Variants in SAMD12 observed in about 807,000 individuals in gnomAD.
SAMD12 encodes the protein sterile alpha motif domain containing 12.
SAMD12 carries 9 observed loss-of-function variants against 15.0 expected under a neutral mutation model. The observed-to-expected ratio is 0.60, with a 90% CI of 0.36 to 1.05. SAMD12 has a LOEUF of 1.05. Among genes scored for constraint, SAMD12 ranks in the 50% least tolerant of loss-of-function variants. SAMD12 has a pLI of 0.01. For synonymous variants in SAMD12, 86 were observed against 90.1 expected (o/e 0.96, Z 0.25); for missense variants, 230 against 234.2 (o/e 0.98, Z 0.12).
intron 4 of SAMD12, among the ~76,000 whole-genome samples, chr8:118,282,765 T>C (rs1047348955): frequency 2.6e-5 from 4 of 152,210 alleles, no homozygotes; most frequent in African/African-American, 7.2e-5. Flanking sequence ...TTTTATCACA[T>C]AGACTGTTTT....
chr8:118,557,082 C>T (rs1019899409), intron 2 of SAMD12, among the ~76,000 whole-genome samples: 9 of 152,310 alleles, frequency 5.9e-5, no homozygotes, highest in Middle Eastern at 6.8e-3. Flanking sequence ...CTTGGCTCTA[C>T]ATCCCCACCC....
intron 2 of SAMD12, among the ~76,000 whole-genome samples, chr8:118,446,924 G>T (rs988390135): frequency 6.6e-6 from 1 of 152,174 alleles, no homozygotes; most frequent in East Asian, 1.9e-4. Context: ...TGCAACTGAT[G>T]ACTTCAGTTT....
intron 4 of SAMD12, among the ~76,000 whole-genome samples, chr8:118,234,476 A>C (rs537344002): frequency 6.6e-6 from 1 of 152,012 alleles, no homozygotes. Flanking sequence ...TTGGGAGGCT[A>C]AGGTGGATGG....
At chr8:118,532,799 T>TG (rs1201911653) in intron 2 of SAMD12, among the ~76,000 whole-genome samples, 1 of 152,194 alleles carries the variant, frequency 6.6e-6, no homozygotes, top group Non-Finnish European at 1.5e-5. Flanking sequence ...CTTTATCATT[T>TG]TTTATTGCAT....
chr8:118,292,349 G>GACACACATACACACACAC lies in SAMD12; in HGVS notation c.433+87210_433+87211insGTGTGTGTGTATGTGTGT, dbSNP rs111807707. On this transcript the variant is annotated intron_variant, in intron 4 of 4. Transcript: ENST00000409003. ...TAATGTCCAAAACTGCAAACACACA[G>GACACACATACACACACAC]ACACACACACACACACACACACACA... 3.6e-3 allele frequency among the ~76,000 whole-genome samples: 501 copies of GACACACATACACACACAC among 137,716 alleles called. 6 individuals are homozygous for GACACACATACACACACAC. The highest frequency in any genetic ancestry group is 0.011 in the Middle Eastern group (3 of 266). The allele number at this position is 137,716 out of a possible 152,430, so 90.3% of individuals were successfully genotyped here.
the SAMD12 span, among the ~76,000 whole-genome samples, chr8:118,159,661 A>G: frequency 6.6e-6 from 1 of 152,062 alleles, no homozygotes; most frequent in African/African-American, 2.4e-5. Context: ...GTGGAGAAAA[A>G]TTAATCCTAG....
At chr8:118,436,408 G>C (rs146788645) in intron 3 of SAMD12, among the ~76,000 whole-genome samples, 251 of 152,204 alleles carry the variant, frequency 1.6e-3, no homozygotes, top group African/African-American at 5.8e-3. Context: ...GCAGCAGGGA[G>C]GATTTGACTC....
At chr8:118,356,437 C>T (rs536005906) in intron 4 of SAMD12, among the ~76,000 whole-genome samples, 83 of 152,228 alleles carry the variant, frequency 5.5e-4, no homozygotes, top group African/African-American at 1.5e-3. Context: ...GATATTCATG[C>T]GAACAAACCT....
At chr8:118,367,536 T>A (rs1156355133) in intron 4 of SAMD12, among the ~76,000 whole-genome samples, 1 of 152,186 alleles carries the variant, frequency 6.6e-6, no homozygotes, top group Non-Finnish European at 1.5e-5. Flanking sequence ...GACATAACAA[T>A]GCAACCTTAT....
intron 1 of SAMD12, among the ~76,000 whole-genome samples, chr8:118,588,088 A>G (rs1827496140): frequency 6.6e-6 from 1 of 152,168 alleles, no homozygotes; most frequent in African/African-American, 2.4e-5. Context: ...ATCAATCCAG[A>G]TGACACTCTG....
chr8:118,145,651 G>A, the SAMD12 span, among the ~76,000 whole-genome samples: 1 of 152,220 alleles, frequency 6.6e-6, no homozygotes, highest in Non-Finnish European at 1.5e-5. Context: ...GTGAAAGGGT[G>A]AGGAAGCGGG....
chr8:118,155,400 A>G, the SAMD12 span, among the ~76,000 whole-genome samples: 442 of 152,344 alleles, frequency 2.9e-3, 3 homozygotes, highest in Non-Finnish European at 4.5e-3. Flanking sequence ...TTTATAATAC[A>G]GTATCTTAAA....
At chr8:118,558,102 T>C (rs1323674763) in intron 2 of SAMD12, among the ~76,000 whole-genome samples, 1 of 152,220 alleles carries the variant, frequency 6.6e-6, no homozygotes, top group African/African-American at 2.4e-5. Context: ...AAATATCTTC[T>C]TTCCCATATA....
chr8:118,403,819 G>C, intron 3 of SAMD12, among the ~76,000 whole-genome samples: 1 of 152,140 alleles, frequency 6.6e-6, no homozygotes. Flanking sequence ...AAACAACATT[G>C]TCATCCTTGT....
At chr8:118,163,251 T>C in the SAMD12 span, among the ~76,000 whole-genome samples, 14 of 151,994 alleles carry the variant, frequency 9.2e-5, no homozygotes, top group Non-Finnish European at 1.6e-4. Context: ...GGCTAACTTT[T>C]ATATGTTTTG....
At chr8:118,585,024 T>G (rs1362561962) in intron 1 of SAMD12, among the ~76,000 whole-genome samples, 2 of 152,052 alleles carry the variant, frequency 1.3e-5, no homozygotes, top group Non-Finnish European at 2.9e-5. Context: ...GCAGCATTAT[T>G]CATAACAGTC....
At chr8:118,549,327 A>C (rs1334621668) in intron 2 of SAMD12, among the ~76,000 whole-genome samples, 1 of 152,236 alleles carries the variant, frequency 6.6e-6, no homozygotes, top group Non-Finnish European at 1.5e-5. Context: ...CTCCTCTGAG[A>C]CAAAACTTCC....
chr8:118,341,173 A>G (rs1363798982), intron 4 of SAMD12, among the ~76,000 whole-genome samples: 2 of 152,196 alleles, frequency 1.3e-5, no homozygotes, highest in South Asian at 4.2e-4. Flanking sequence ...GGGCCTCTTC[A>G]TGTGGCTTGG....
intron 3 of SAMD12, among the ~76,000 whole-genome samples, chr8:118,414,576 G>C (rs950939004): frequency 3.3e-5 from 5 of 152,152 alleles, no homozygotes; most frequent in Non-Finnish European, 5.9e-5. Context: ...TTAAAATGAG[G>C]CTAAATATGT....
Sources: gnomAD v4.1 joint callset for allele counts (sites outside exome capture counted in the v4.1 genomes callset) on GRCh38, gnomAD v4.1.1 for gene constraint, MANE v1.5 for transcripts, NCBI Gene and HGNC (gene_info 2026-07-23, HGNC 2026-07-21) for gene names.